CTNNA2: variants seen among roughly 807,000 people sequenced by gnomAD.
CTNNA2 encodes the protein catenin alpha-2.
A neutral mutation model predicts 101.0 loss-of-function variants in CTNNA2; 42 were observed. The ratio of observed to expected loss-of-function variants is 0.42; its 90% CI spans 0.32 to 0.54. The LOEUF (loss-of-function observed/expected upper bound fraction) is 0.54, where lower values mean the gene tolerates loss of function less well. Ranked by LOEUF, CTNNA2 falls within the 20% of genes least tolerant of loss-of-function variation. The pLI is 0.14. For missense variants in CTNNA2, 871 were observed against 1,223.1 expected (o/e 0.71, Z 4.29); for synonymous variants, 450 against 456.4 (o/e 0.99, Z 0.18).
chr2:79,603,764 CTAAA>C (rs1271558617), intron 1 of CTNNA2, among the ~76,000 whole-genome samples: 2 of 152,136 alleles, frequency 1.3e-5, no homozygotes, highest in Admixed American at 6.5e-5. Flanking sequence ...AAAGTAAGGG[CTAAA>C]TAAAGTTAAA....
rs143984955 is a variant in CTNNA2 at position 80,172,602 on chromosome 2, C to T, written c.1057-220609C>T. On this transcript the variant is annotated intron_variant, in intron 7 of 18. Transcript: ENST00000402739. ...TAGTTTCCTAGAGCTGCCATAACAGCGTGCCATAAACTGGGTGGCTTAAAC... is the reference window on the plus strand; with the variant it reads ...TAGTTTCCTAGAGCTGCCATAACAGTGTGCCATAAACTGGGTGGCTTAAAC... Among the ~76,000 whole-genome samples, 72 of 152,286 alleles carry T rather than the reference C, an allele frequency of 4.7e-4. No individual in the cohort carries two copies. The Middle Eastern group carries it at 0.01, about 22-fold the overall frequency.
intron 7 of CTNNA2, among the ~76,000 whole-genome samples, chr2:80,169,969 A>G (rs1366057167): frequency 6.6e-6 from 1 of 152,194 alleles, no homozygotes; most frequent in Non-Finnish European, 1.5e-5. Flanking sequence ...TGTTAGAACT[A>G]AATGAGGAAA....
chr2:79,964,860 G>C (rs188817135), intron 7 of CTNNA2, among the ~76,000 whole-genome samples: 2 of 152,224 alleles, frequency 1.3e-5, no homozygotes, highest in Admixed American at 1.3e-4. Context: ...TGATAACCCA[G>C]GGATCCCCTT....
intron 1 of CTNNA2, among the ~76,000 whole-genome samples, chr2:79,523,473 G>A (rs1672231262): frequency 6.6e-6 from 1 of 151,874 alleles, no homozygotes; most frequent in Non-Finnish European, 1.5e-5. Context: ...TTGATAGTGT[G>A]GTTGTACCAT....
rs994172048 is a variant in CTNNA2 at position 79,196,931 on chromosome 2, G to A, written c.-523-1028G>A. Among the ~76,000 whole-genome samples, 11 of 152,138 alleles carry A rather than the reference G, an allele frequency of 7.2e-5. No individual in the cohort carries two copies. In the East Asian group the frequency reaches 7.7e-4, roughly 11 times the overall value. ...CTCATGGTTCTGATTTATATTTGTA[G>A]AGCAAGAGAATGAAATGGTACCATC... On this transcript the variant is annotated intron_variant, in intron 1 of 21. Coordinates refer to the CTNNA2 transcript ENST00000466387.
At position 79,587,768 on chromosome 2, in the gene CTNNA2, C is replaced by T. The variant is rs559465880; in HGVS notation, c.-5-63784C>T. On this transcript the variant is annotated intron_variant, in intron 1 of 18. Coordinates refer to ENST00000402739, the MANE Select transcript of CTNNA2 (RefSeq NM_001282597.3). Reference sequence around the variant, plus strand: ...TTTTGTAAGGGCAGTTCCTCAGCATCGCCTGGGTTTCCTCTCTAAACCCAG... The same window carrying T: ...TTTTGTAAGGGCAGTTCCTCAGCATTGCCTGGGTTTCCTCTCTAAACCCAG... 7.2e-5 allele frequency among the ~76,000 whole-genome samples: 11 copies of T among 152,278 alleles called. No individual in the cohort carries two copies. In the East Asian group the frequency reaches 7.7e-4, roughly 11 times the overall value.
chr2:79,615,482 T>C (rs376574930), intron 1 of CTNNA2, among the ~76,000 whole-genome samples: 4 of 152,226 alleles, frequency 2.6e-5, no homozygotes, highest in East Asian at 3.8e-4. Context: ...ATTTGAGCTT[T>C]ATTATTTCAT....
chr2:80,153,927 A>G (rs181223343), intron 7 of CTNNA2, among the ~76,000 whole-genome samples: 7 of 152,288 alleles, frequency 4.6e-5, no homozygotes, highest in East Asian at 3.9e-4. Context: ...TTCCTGACTC[A>G]CCACTTCCAA....
intron 2 of CTNNA2, among the ~76,000 whole-genome samples, chr2:79,731,838 GTTTT>G (rs34010351): frequency 1.3e-5 from 2 of 149,278 alleles, no homozygotes; most frequent in Admixed American, 6.7e-5. Flanking sequence ...CTTTATTTTT[GTTTT>G]TTTTTTTTAC....
intron 15 of CTNNA2, among the ~76,000 whole-genome samples, chr2:80,595,485 T>C (rs1476438005): frequency 1.3e-5 from 2 of 152,220 alleles, no homozygotes; most frequent in Non-Finnish European, 2.9e-5. Flanking sequence ...CTGATTGCAC[T>C]GGCTGGGATT....
intron 2 of CTNNA2, among the ~76,000 whole-genome samples, chr2:79,201,062 C>A (rs2104179858): frequency 6.6e-6 from 1 of 152,128 alleles, no homozygotes; most frequent in South Asian, 2.1e-4. Flanking sequence ...AAATAAAACC[C>A]CTTAAGTAAT....
rs180775561 is a variant in CTNNA2 at position 80,567,025 on chromosome 2, C to T, written c.1742-7138C>T. On this transcript the variant is annotated intron_variant, in intron 12 of 18. Transcript: ENST00000402739. The stretch of plus-strand genomic sequence containing the variant: ...GCTTTAATGAGATTCCAGCCATCCT[C>T]GTACCTCCTAGGGAAGGCACACACC... 5.3e-3 allele frequency among the ~76,000 whole-genome samples: 814 copies of T among 152,170 alleles called. 2 individuals carry two copies. The highest frequency in any genetic ancestry group is 8.3e-3 in the Non-Finnish European group (561 of 67,996).
At chr2:80,328,853 TGTCCCAGCACCATTAC>T (rs1671063274) in intron 7 of CTNNA2, among the ~76,000 whole-genome samples, 1 of 152,188 alleles carries the variant, frequency 6.6e-6, no homozygotes, top group Non-Finnish European at 1.5e-5. Flanking sequence ...GAAAACTAAA[TGTCCCAGCACCATTAC>T]GGAATATAAG....
intron 7 of CTNNA2, among the ~76,000 whole-genome samples, chr2:80,061,650 C>CT (rs1190015862): frequency 6.6e-6 from 1 of 152,100 alleles, no homozygotes; most frequent in African/African-American, 2.4e-5. Flanking sequence ...TGAATACTTC[C>CT]TTTTTTGTTC....
chr2:79,208,180 C>A (rs1003176957), intron 2 of CTNNA2, among the ~76,000 whole-genome samples: 2 of 152,154 alleles, frequency 1.3e-5, no homozygotes, highest in Non-Finnish European at 2.9e-5. Flanking sequence ...CATGAATGGG[C>A]ATTTCTCCAA....
chr2:80,274,537 C>T (rs138784346), intron 7 of CTNNA2, among the ~76,000 whole-genome samples: 9 of 152,238 alleles, frequency 5.9e-5, no homozygotes, highest in South Asian at 2.1e-4. Context: ...AGTCTCAATT[C>T]GAAGACCCTT....
chr2:79,289,780 C>G (rs534040361), intron 2 of CTNNA2, among the ~76,000 whole-genome samples: 1 of 152,184 alleles, frequency 6.6e-6, no homozygotes, highest in East Asian at 1.9e-4. Flanking sequence ...ATGCAGCAAC[C>G]AAGTTCTCTG....
intron 1 of CTNNA2, 128 bp from the exon 2 acceptor site, chr2:79,651,424 C>A: frequency 2.5e-6 from 2 of 807,476 alleles, no homozygotes; most frequent in Non-Finnish European, 4.0e-6. Context: ...TCTAATTTGA[C>A]CAGGTTGGAC....
chr2:80,408,440 A>G (rs1335157008), intron 8 of CTNNA2, among the ~76,000 whole-genome samples: 2 of 152,170 alleles, frequency 1.3e-5, no homozygotes, highest in Non-Finnish European at 2.9e-5. Flanking sequence ...AAATCCATCC[A>G]TTCAGTAATT....
Sources: gnomAD v4.1 joint callset for allele counts (sites outside exome capture counted in the v4.1 genomes callset) on GRCh38, gnomAD v4.1.1 for gene constraint, MANE v1.5 for transcripts, NCBI Gene and HGNC (gene_info 2026-07-23, HGNC 2026-07-21) for gene names.